SRPK2: variants seen among roughly 807,000 people sequenced by gnomAD.
SRPK2 encodes the protein SRSF protein kinase 2, also known as SFRS protein kinase 2.
A neutral mutation model predicts 90.8 loss-of-function variants in SRPK2; 21 were observed. The ratio of observed to expected loss-of-function variants is 0.23; its 90% CI spans 0.16 to 0.33. The LOEUF is 0.33. Among genes scored for constraint, SRPK2 ranks in the 10% least tolerant of loss-of-function variants. The pLI is 1.00. For synonymous variants in SRPK2, 288 were observed against 311.1 expected (o/e 0.93, Z 0.78); for missense variants, 620 against 869.0 (o/e 0.71, Z 3.60).
At chr7:105,205,159 C>A (rs1563079841) in intron 2 of SRPK2, among the ~76,000 whole-genome samples, 1 of 152,078 alleles carries the variant, frequency 6.6e-6, no homozygotes, top group East Asian at 1.9e-4. Context: ...CCAACACCAC[C>A]ACTAATGCAT....
At chr7:105,202,448 G>A (rs1234863492) in intron 3 of SRPK2, among the ~76,000 whole-genome samples, 4 of 152,126 alleles carry the variant, frequency 2.6e-5, no homozygotes. Flanking sequence ...TGGCTCAGGA[G>A]CTCCAAATTC....
intron 2 of SRPK2, among the ~76,000 whole-genome samples, chr7:105,251,817 G>T (rs1357065464): frequency 1.3e-5 from 2 of 152,186 alleles, no homozygotes; most frequent in African/African-American, 4.8e-5. Context: ...AAATTTGGGG[G>T]TTTTGTATTT....
intron 3 of SRPK2, among the ~76,000 whole-genome samples, chr7:105,170,879 GAAAGAAA>G (rs1790854126): frequency 8.8e-6 from 1 of 113,620 alleles, no homozygotes; most frequent in East Asian, 2.9e-4. Context: ...AAGAAAGAAA[GAAAGAAA>G]GAAAGAAAGA....
intron 2 of SRPK2, among the ~76,000 whole-genome samples, chr7:105,238,323 G>A (rs1428391716): frequency 2.0e-5 from 3 of 152,202 alleles, no homozygotes; most frequent in African/African-American, 7.2e-5. Flanking sequence ...CTGGACAGGA[G>A]TCAGCATAAA....
intron 15 of SRPK2, among the ~76,000 whole-genome samples, chr7:105,125,389 C>G (rs1020281148): frequency 1.3e-5 from 2 of 152,172 alleles, no homozygotes; most frequent in Admixed American, 1.3e-4. Flanking sequence ...CAGAAATAAC[C>G]CAGGCAGACC....
intron 2 of SRPK2, among the ~76,000 whole-genome samples, chr7:105,211,568 G>T (rs928701100): frequency 6.6e-6 from 1 of 151,944 alleles, no homozygotes; most frequent in East Asian, 1.9e-4. Context: ...TGAGAGTGAG[G>T]GGGGAGGTGC....
At chr7:105,207,419 T>C (rs569331092) in intron 2 of SRPK2, among the ~76,000 whole-genome samples, 1 of 152,212 alleles carries the variant, frequency 6.6e-6, no homozygotes, top group East Asian at 1.9e-4. Flanking sequence ...TACATACTCA[T>C]TAAGTCTATC....
chr7:105,251,274 G>C (rs1419614169), intron 2 of SRPK2, among the ~76,000 whole-genome samples: 2 of 152,166 alleles, frequency 1.3e-5, no homozygotes, highest in African/African-American at 4.8e-5. Context: ...TATATCACAG[G>C]CACCCAAGGG....
At chr7:105,373,448 G>T (rs1211631290) in intron 2 of SRPK2, among the ~76,000 whole-genome samples, 1 of 147,932 alleles carries the variant, frequency 6.8e-6, no homozygotes, top group Non-Finnish European at 1.5e-5. Flanking sequence ...TGTTGCCCAG[G>T]ATGGAGTGCA....
At chr7:105,328,810 A>G (rs1813914157) in intron 2 of SRPK2, among the ~76,000 whole-genome samples, 1 of 149,756 alleles carries the variant, frequency 6.7e-6, no homozygotes, top group Non-Finnish European at 1.5e-5. Context: ...GCTTGCAGTG[A>G]GCCGAGATTG....
chr7:105,200,163 G>T (rs1006036429), intron 3 of SRPK2, among the ~76,000 whole-genome samples: 1 of 152,090 alleles, frequency 6.6e-6, no homozygotes, highest in Admixed American at 6.6e-5. Flanking sequence ...TTAACCAGGC[G>T]TGGTGGCATG....
At chr7:105,129,026 A>C (rs1257226010) in intron 13 of SRPK2, among the ~76,000 whole-genome samples, 1 of 152,198 alleles carries the variant, frequency 6.6e-6, no homozygotes, top group African/African-American at 2.4e-5. Flanking sequence ...GCTGGAGTGC[A>C]GTGGCACAAT....
At chr7:105,240,130 C>A (rs2129623240) in intron 2 of SRPK2, among the ~76,000 whole-genome samples, 1 of 152,214 alleles carries the variant, frequency 6.6e-6, no homozygotes, top group Non-Finnish European at 1.5e-5. Context: ...GATCAATGTG[C>A]CGACAGACTG....
intron 2 of SRPK2, chr7:105,244,849 A>C: frequency 1.8e-6 from 2 of 1,135,652 alleles, no homozygotes; most frequent in Non-Finnish European, 1.3e-6. Context: ...GTCTCCAAAG[A>C]CAAACGGGTC....
chr7:105,314,631 G>A (rs754757444), intron 2 of SRPK2, among the ~76,000 whole-genome samples: 14 of 152,252 alleles, frequency 9.2e-5, no homozygotes, highest in Non-Finnish European at 1.5e-4. Flanking sequence ...CGATCTGCCC[G>A]CCTTAGCCTC....
intron 3 of SRPK2, among the ~76,000 whole-genome samples, chr7:105,176,547 T>C (rs1444641174): frequency 6.6e-6 from 1 of 150,472 alleles, no homozygotes; most frequent in Admixed American, 6.6e-5. Flanking sequence ...ATGTATGTGG[T>C]TTTGCATATA....
chr7:105,272,677 T>C (rs1427062232), intron 2 of SRPK2, among the ~76,000 whole-genome samples: 2 of 152,188 alleles, frequency 1.3e-5, no homozygotes, highest in African/African-American at 4.8e-5. Flanking sequence ...CTACAGGGCA[T>C]TGATGATAAC....
rs151264201 is a variant in SRPK2 at position 105,315,064 on chromosome 7, C to T, written c.71+73584G>A. On this transcript the variant is annotated intron_variant, in intron 2 of 15. Transcript: ENST00000393651. ...GGCTGAGGCAGGAAGATCACTTGAGCACAGGAGTTCGAGACCAGCCTGCAC... is the reference window on the plus strand; with the variant it reads ...GGCTGAGGCAGGAAGATCACTTGAGTACAGGAGTTCGAGACCAGCCTGCAC... Among the ~76,000 whole-genome samples, 432 of 152,244 alleles carry T rather than the reference C, an allele frequency of 2.8e-3. 11 individuals carry two copies. The East Asian group carries it at 0.055, about 19-fold the overall frequency.
chr7:105,144,323 C>T (rs768165750), intron 9 of SRPK2, among the ~76,000 whole-genome samples: 3 of 150,372 alleles, frequency 2.0e-5, no homozygotes, highest in Admixed American at 1.3e-4. Context: ...TCACTGCAAC[C>T]GTTACCTCCT....
Sources: gnomAD v4.1 joint callset for allele counts (sites outside exome capture counted in the v4.1 genomes callset) on GRCh38, gnomAD v4.1.1 for gene constraint, MANE v1.5 for transcripts, NCBI Gene and HGNC (gene_info 2026-07-23, HGNC 2026-07-21) for gene names.